The following CCDC178 variants were observed in gnomAD, a reference collection of about 807,000 sequenced individuals.
The protein encoded by CCDC178 is coiled-coil domain-containing protein 178.
CCDC178 carries 126 observed loss-of-function variants against 117.4 expected under a neutral mutation model. That is an observed-to-expected ratio of 1.07 (90% CI 0.93 to 1.24). CCDC178 has a LOEUF of 1.24. Ranked by LOEUF, CCDC178 falls within the 50% of genes most tolerant of loss-of-function variation. The pLI is 0.00. For synonymous variants in CCDC178, 283 were observed against 313.4 expected (o/e 0.90, Z 1.02); for missense variants, 1,030 against 986.9 (o/e 1.04, Z -0.59).
chr18:33,123,899 A>C (rs1023465126), intron 20 of CCDC178, among the ~76,000 whole-genome samples: 2 of 152,192 alleles, frequency 1.3e-5, no homozygotes, highest in Admixed American at 6.5e-5. Flanking sequence ...TTTTAATCTT[A>C]ATGTCGTATT....
At chr18:33,430,117 A>T (rs1019063914) in intron 2 of CCDC178, among the ~76,000 whole-genome samples, 1 of 152,198 alleles carries the variant, frequency 6.6e-6, no homozygotes, top group Non-Finnish European at 1.5e-5. Flanking sequence ...CAAAAAAAAT[A>T]CTTTTGTTGT....
At chr18:33,041,427 GTATAA>G (rs981440417) in intron 21 of CCDC178, among the ~76,000 whole-genome samples, 9 of 150,114 alleles carry the variant, frequency 6.0e-5, no homozygotes, top group Admixed American at 2.0e-4. Context: ...TTTATATAAT[GTATAA>G]TATATGTTAT....
intron 22 of CCDC178, among the ~76,000 whole-genome samples, chr18:32,961,656 A>T (rs1357998348): frequency 6.6e-6 from 1 of 152,050 alleles, no homozygotes; most frequent in African/African-American, 2.4e-5. Context: ...CAGGCATTCG[A>T]TTCTCATAAG....
intron 3 of CCDC178, among the ~76,000 whole-genome samples, chr18:33,409,845 T>C (rs763278141): frequency 1.3e-5 from 2 of 152,196 alleles, no homozygotes; most frequent in Non-Finnish European, 2.9e-5. Context: ...TAATGTCACT[T>C]AAATACAAAA....
intron 6 of CCDC178, among the ~76,000 whole-genome samples, chr18:33,369,209 G>C (rs2063262777): frequency 6.6e-6 from 1 of 151,888 alleles, no homozygotes; most frequent in African/African-American, 2.4e-5. Flanking sequence ...TATATATTGA[G>C]TGCATATCAT....
At chr18:32,941,287 A>G (rs991076537) in intron 22 of CCDC178, among the ~76,000 whole-genome samples, 1 of 152,136 alleles carries the variant, frequency 6.6e-6, no homozygotes, top group African/African-American at 2.4e-5. Context: ...ATTTGAGAAT[A>G]TACTTTATTT....
chr18:32,964,912 C>T (rs1029848885), intron 22 of CCDC178, among the ~76,000 whole-genome samples: 4 of 151,962 alleles, frequency 2.6e-5, no homozygotes, highest in South Asian at 2.1e-4. Context: ...ATATGCCCCC[C>T]TCTCTATTTT....
chr18:33,185,046 C>A (rs1208324498), intron 20 of CCDC178, among the ~76,000 whole-genome samples: 1 of 151,774 alleles, frequency 6.6e-6, no homozygotes, highest in African/African-American at 2.4e-5. Context: ...GAAAGTATGA[C>A]AACAGCAATA....
Position 33,092,860 on chromosome 18 carries a change from A to T in CCDC178, c.2289T>A (p.Tyr763Ter). ...LEENLRLAQE[Y>*]QQLQITFLKE... is the part of the protein sequence containing the mutation. ...TTAAGAATGTAATCTGTAGCTGTTGATACTCTTGAGCTAAACGCAGATTTT... is the reference window on the plus strand; with the variant it reads ...TTAAGAATGTAATCTGTAGCTGTTGTTACTCTTGAGCTAAACGCAGATTTT... Residue 763 changes from tyrosine (Y) to a stop codon, truncating the protein, a stop_gained, in exon 21 of 23, where the codon TAT (tyrosine) becomes TAA (stop). Transcript: ENST00000383096. LOFTEE classifies it high-confidence loss of function. 1 of 1,585,538 alleles carries T rather than the reference A, an allele frequency of 6.3e-7. No homozygotes were observed. Among genetic ancestry groups the T allele is most frequent in the South Asian group, 1.2e-5 (1 of 86,626 alleles).
At chr18:33,051,224 T>C (rs2056742405) in intron 21 of CCDC178, among the ~76,000 whole-genome samples, 1 of 152,102 alleles carries the variant, frequency 6.6e-6, no homozygotes, top group Admixed American at 6.6e-5. Flanking sequence ...ATCATCAATG[T>C]TTTCACCCCT....
intron 22 of CCDC178, among the ~76,000 whole-genome samples, chr18:32,969,944 T>G (rs1426863441): frequency 1.3e-5 from 2 of 152,026 alleles, no homozygotes; most frequent in Admixed American, 1.3e-4. Flanking sequence ...AAGGAAATGA[T>G]AATAGTACTT....
At chr18:33,281,601 A>T (rs1481891471) in intron 12 of CCDC178, among the ~76,000 whole-genome samples, 1 of 152,216 alleles carries the variant, frequency 6.6e-6, no homozygotes, top group Non-Finnish European at 1.5e-5. Flanking sequence ...ATAACCCCAC[A>T]GAATTAATGA....
intron 21 of CCDC178, among the ~76,000 whole-genome samples, chr18:33,050,792 A>T (rs2056733353): frequency 6.6e-6 from 1 of 152,196 alleles, no homozygotes; most frequent in Non-Finnish European, 1.5e-5. Context: ...CCTAGAATTT[A>T]TTTTTCTCTA....
At chr18:33,331,701 A>G (rs1263598970) in intron 10 of CCDC178, among the ~76,000 whole-genome samples, 1 of 152,202 alleles carries the variant, frequency 6.6e-6, no homozygotes, top group Non-Finnish European at 1.5e-5. Flanking sequence ...ATTACTAAAA[A>G]AGGAGGACAG....
intron 22 of CCDC178, among the ~76,000 whole-genome samples, chr18:32,948,270 TC>T (rs1443649352): frequency 6.6e-6 from 1 of 152,136 alleles, no homozygotes; most frequent in Non-Finnish European, 1.5e-5. Context: ...TTGTGTTGAA[TC>T]TTTAGATCAA....
At chr18:33,252,092 GAA>G (rs929694375) in intron 14 of CCDC178, among the ~76,000 whole-genome samples, 4 of 151,702 alleles carry the variant, frequency 2.6e-5, no homozygotes, top group African/African-American at 9.7e-5. Context: ...GAGTAAGTTA[GAA>G]AAAGAGGTAT....
chr18:33,223,261 C>T (rs779069356), intron 17 of CCDC178, 42 bp from the exon 18 acceptor site: 32 of 1,532,842 alleles, frequency 2.1e-5, no homozygotes, highest in Non-Finnish European at 2.7e-5. Flanking sequence ...CATTTGCAAC[C>T]CAGTTATCCT....
intron 14 of CCDC178, 105 bp from the exon 15 acceptor site, chr18:33,245,533 C>A: frequency 8.6e-7 from 1 of 1,168,138 alleles, no homozygotes; most frequent in Non-Finnish European, 1.1e-6. Flanking sequence ...GTCAAAAATA[C>A]AAAATTGCTG....
chr18:33,245,442 G>A lies in CCDC178; in HGVS notation c.1410-14C>T. 2 of 1,488,194 alleles carry A rather than the reference G, an allele frequency of 1.3e-6. No homozygotes were observed. Among genetic ancestry groups the A allele is most frequent in the Non-Finnish European group, 1.8e-6 (2 of 1,115,062 alleles). The allele number at this position is 1,488,194 out of a possible 1,614,324, so 92.2% of individuals were successfully genotyped here. ...TTTTTCCGTATGCTGTAAAAGTAAA[G>A]CAAAAATTAATATTATTGAGTATAT... On this transcript the variant is annotated splice_polypyrimidine_tract_variant and intron_variant, in intron 14 of 22. Coordinates refer to ENST00000383096, the MANE Select transcript of CCDC178 (RefSeq NM_001105528.4).
Sources: gnomAD v4.1 joint callset for allele counts (sites outside exome capture counted in the v4.1 genomes callset) on GRCh38, gnomAD v4.1.1 for gene constraint, MANE v1.5 for transcripts, NCBI Gene and HGNC (gene_info 2026-07-23, HGNC 2026-07-21) for gene names.